ADAM32: variants seen among roughly 807,000 people sequenced by gnomAD.
The protein encoded by ADAM32 is disintegrin and metalloproteinase domain-containing protein 32.
In ADAM32, 89 loss-of-function variants were observed where a neutral mutation model predicts 114.9. The ratio of observed to expected loss-of-function variants is 0.77; its 90% CI spans 0.65 to 0.92. The LOEUF is 0.92. Ranked by LOEUF, ADAM32 falls within the 40% of genes least tolerant of loss-of-function variation. The pLI, the probability that ADAM32 is intolerant of heterozygous loss-of-function variation, is 0.00. For synonymous variants in ADAM32, 285 were observed against 307.5 expected (o/e 0.93, Z 0.77); for missense variants, 870 against 932.8 (o/e 0.93, Z 0.88).
chr8:39,124,414 C>CTTTTTT (rs57362503), intron 2 of ADAM32, among the ~76,000 whole-genome samples: 6 of 136,702 alleles, frequency 4.4e-5, no homozygotes, highest in Non-Finnish European at 3.1e-5. Flanking sequence ...TTTTCTTTTT[C>CTTTTTT]TTTTTTTTTT....
intron 11 of ADAM32, among the ~76,000 whole-genome samples, chr8:39,194,073 T>C (rs1806788809): frequency 6.6e-6 from 1 of 151,980 alleles, no homozygotes. Context: ...TCCATACCAG[T>C]GTTTGTAGCA....
At chr8:39,241,605 G>A (rs1336820649) in intron 16 of ADAM32, among the ~76,000 whole-genome samples, 1 of 152,198 alleles carries the variant, frequency 6.6e-6, no homozygotes, top group Non-Finnish European at 1.5e-5. Flanking sequence ...ACCCTCTGAA[G>A]CCACAGCCTG....
At chr8:39,156,555 C>A (rs1239685616) in intron 6 of ADAM32, among the ~76,000 whole-genome samples, 1 of 152,198 alleles carries the variant, frequency 6.6e-6, no homozygotes, top group Non-Finnish European at 1.5e-5. Context: ...TGAAGGACTA[C>A]CTTTGGCATT....
At chr8:39,147,681 C>T (rs1410835706) in intron 4 of ADAM32, among the ~76,000 whole-genome samples, 1 of 152,098 alleles carries the variant, frequency 6.6e-6, no homozygotes, top group Non-Finnish European at 1.5e-5. Context: ...TCCAAGTAAA[C>T]ATCATCTCTA....
At chr8:39,119,741 G>A (rs1840516052) in intron 2 of ADAM32, among the ~76,000 whole-genome samples, 1 of 151,964 alleles carries the variant, frequency 6.6e-6, no homozygotes, top group South Asian at 2.1e-4. Context: ...TATGGATCTT[G>A]TTTTTGGTTT....
intron 3 of ADAM32, among the ~76,000 whole-genome samples, chr8:39,143,687 C>A (rs544488343): frequency 1.1e-4 from 17 of 151,254 alleles, no homozygotes; most frequent in Admixed American, 3.3e-4. Context: ...CTTGAGGAGG[C>A]AGTCTGTCTA....
chr8:39,136,749 AT>A, intron 3 of ADAM32, 31 bp downstream of exon 3: 1 of 1,371,916 alleles, frequency 7.3e-7, no homozygotes, highest in Non-Finnish European at 9.8e-7. Context: ...TTTGGATTTT[AT>A]TTTATTTCTA....
rs149337434 is a variant in ADAM32 at position 39,258,459 on chromosome 8, A to T, written c.2162+1116A>T. 2.7e-4 allele frequency among the ~76,000 whole-genome samples: 41 copies of T among 152,210 alleles called. No homozygotes were observed. In the East Asian group the frequency reaches 6.4e-3, roughly 24 times the overall value. ...TGATAGTCGACATTCAGTTAAAAAA[A>T]TTTGAAAAATCTAGCAGGATTTCTT... On this transcript the variant is annotated intron_variant, in intron 19 of 24. Coordinates refer to ENST00000379907, the MANE Select transcript of ADAM32 (RefSeq NM_145004.7).
chr8:39,138,344 C>T (rs1486074547), intron 3 of ADAM32, among the ~76,000 whole-genome samples: 2 of 151,870 alleles, frequency 1.3e-5, no homozygotes, highest in African/African-American at 4.8e-5. Flanking sequence ...CCCCAACAGG[C>T]CCTGGTGTGT....
At chr8:39,201,011 G>C (rs1047000217) in intron 11 of ADAM32, among the ~76,000 whole-genome samples, 2 of 152,146 alleles carry the variant, frequency 1.3e-5, no homozygotes, top group African/African-American at 4.8e-5. Context: ...GTATCATGCT[G>C]TTTTGGTTAC....
chr8:39,130,438 T>C (rs531145087), intron 2 of ADAM32, among the ~76,000 whole-genome samples: 1 of 152,270 alleles, frequency 6.6e-6, no homozygotes, highest in African/African-American at 2.4e-5. Context: ...GGTTAGTTTG[T>C]TATCATTGTT....
chr8:39,181,312 C>T (rs763369098), intron 10 of ADAM32, among the ~76,000 whole-genome samples: 5 of 152,190 alleles, frequency 3.3e-5, no homozygotes, highest in Non-Finnish European at 5.9e-5. Flanking sequence ...CAACTCCAGA[C>T]GTGCCGTCTT....
chr8:39,207,564 T>C (rs1268290046), intron 11 of ADAM32, among the ~76,000 whole-genome samples: 1 of 152,224 alleles, frequency 6.6e-6, no homozygotes, highest in African/African-American at 2.4e-5. Context: ...ACAATAACAT[T>C]CAAAATCTGC....
chr8:39,283,836 C>A (rs1050174400), intron 24 of ADAM32, among the ~76,000 whole-genome samples: 42 of 143,016 alleles, frequency 2.9e-4, no homozygotes, highest in African/African-American at 1.0e-3. Context: ...TGCAATGGTG[C>A]GATCTCAGCT....
rs577583942 is a variant in ADAM32, at chr8:39,221,732, A to G, written c.1326+30A>G. ...GATTTAAGCTTATGAACATCTTTCA[A>G]ATATATAACAAATCATGTGCAGGGT... On this transcript the variant is annotated intron_variant, in intron 13 of 24. Transcript: ENST00000379907. The G allele has an allele frequency of 1.9e-3, 2,971 of 1,523,706 alleles. 76 individuals are homozygous for G. In the South Asian group the frequency reaches 0.032, roughly 17 times the overall value. 94.4% of individuals were successfully genotyped at this position (1,523,706 alleles called of 1,614,324 possible).
intron 6 of ADAM32, among the ~76,000 whole-genome samples, chr8:39,152,057 C>G: frequency 6.6e-6 from 1 of 152,072 alleles, no homozygotes; most frequent in East Asian, 1.9e-4. Context: ...ATTCTTATTA[C>G]TTTCCAAAAA....
chr8:39,232,101 G>T lies in ADAM32; in HGVS notation c.1600G>T (p.Asp534Tyr), dbSNP rs1393044548. ...QSDRFGNCGR[D>Y]RNNKYVFCGW... ...AGACAGATTTGGGAACTGTGGTAGG[G>T]ATAGAAATAACAAATATGTGTTCTG... Residue 534 changes from aspartate (D) to tyrosine (Y), a missense_variant, in exon 15 of 25, where the codon GAT becomes TAT. Transcript: ENST00000379907. 1.2e-6 allele frequency: 2 copies of T among 1,610,748 alleles called. No homozygotes were observed. The highest frequency in any genetic ancestry group is 3.3e-4 in the Middle Eastern group (2 of 6,044).
intron 14 of ADAM32, among the ~76,000 whole-genome samples, chr8:39,229,143 C>T (rs1809574405): frequency 6.6e-6 from 1 of 152,174 alleles, no homozygotes; most frequent in African/African-American, 2.4e-5. Flanking sequence ...AGAGAATTCG[C>T]CATTACCAAG....
chr8:39,154,181 C>T (rs946494119), intron 6 of ADAM32, among the ~76,000 whole-genome samples: 16 of 151,864 alleles, frequency 1.1e-4, no homozygotes, highest in Non-Finnish European at 1.6e-4. Flanking sequence ...TAGTGCTATC[C>T]CTCCCCTACC....
Sources: allele counts gnomAD v4.1 joint callset (sites outside exome capture counted in the v4.1 genomes callset), GRCh38; gene constraint gnomAD v4.1.1; transcripts MANE v1.5; gene names NCBI Gene and HGNC (gene_info 2026-07-23, HGNC 2026-07-21).